The following PTPN22 variants were observed in gnomAD, a reference collection of about 807,000 sequenced individuals.
PTPN22 encodes protein tyrosine phosphatase non-receptor type 22, also known as tyrosine-protein phosphatase non-receptor type 22.
In PTPN22, 85 loss-of-function variants were observed where a neutral mutation model predicts 103.3. The observed-to-expected ratio is 0.82, with a 90% CI of 0.69 to 0.99. The LOEUF (loss-of-function observed/expected upper bound fraction) is 0.99, where lower values mean the gene tolerates loss of function less well. PTPN22 is among the 50% of genes least tolerant of loss of function. The probability of loss-of-function intolerance (pLI) is 0.00; values close to 1 mark genes in which losing one functional copy is unlikely to be tolerated. For missense variants in PTPN22, 865 were observed against 936.9 expected, an observed-to-expected ratio of 0.92 and a Z score of 1.00; for synonymous variants, 323 against 310.2, an observed-to-expected ratio of 1.04 and a Z score of -0.43.
intron 9 of PTPN22, among the ~76,000 whole-genome samples, chr1:113,852,992 G>A (rs1023563126): frequency 2.6e-5 from 4 of 152,182 alleles, no homozygotes; most frequent in Non-Finnish European, 5.9e-5. Context: ...AGGCTGGAGT[G>A]CAACAGCGCG....
chr1:113,838,409 T>C lies in PTPN22; in HGVS notation c.993-2A>G. On this transcript the variant is annotated splice_acceptor_variant, in intron 12 of 20. Transcript: ENST00000359785. LOFTEE classifies it high-confidence loss of function. Reference sequence around the variant, plus strand: ...ATCATTTTTGCTGCTTTTGTGGTACTAAAACAAAAAGAAAGCGTAATGATG... The same window carrying C: ...ATCATTTTTGCTGCTTTTGTGGTACCAAAACAAAAAGAAAGCGTAATGATG... 2 of 1,583,030 alleles carry C rather than the reference T, an allele frequency of 1.3e-6. No individual in the cohort carries two copies. The highest frequency in any genetic ancestry group is 1.2e-5 in the South Asian group (1 of 86,004).
intron 16 of PTPN22, among the ~76,000 whole-genome samples, chr1:113,830,536 C>T (rs1251887299): frequency 6.6e-6 from 1 of 152,086 alleles, no homozygotes; most frequent in African/African-American, 2.4e-5. Context: ...AGAAGACAAA[C>T]ATACAAATCA....
chr1:113,863,377 G>C lies in PTPN22; in HGVS notation c.88-3917C>G, dbSNP rs148409393. Among the ~76,000 whole-genome samples, 877 of 152,350 alleles carry C rather than the reference G, an allele frequency of 5.8e-3. 4 individuals carry two copies. The highest frequency in any genetic ancestry group is 0.01 in the South Asian group (49 of 4,830). On this transcript the variant is annotated intron_variant, in intron 1 of 20. Transcript: ENST00000359785. ...CAAAGTGTGGGGATTACAGGCGTGA[G>C]CCGCTGCGCTCAGCCAAGAAATGTG...
intron 15 of PTPN22, 76 bp from the exon 16 acceptor site, chr1:113,833,214 AT>A (rs763489075): frequency 4.4e-4 from 515 of 1,169,728 alleles, no homozygotes; most frequent in Non-Finnish European, 5.9e-4. Flanking sequence ...AAAAAATGGC[AT>A]TTTTGAACTT....
At chr1:113,834,363 A>G in exon 15 of PTPN22, 1 of 1,613,950 alleles carries the variant, frequency 6.2e-7, no homozygotes, top group Non-Finnish European at 8.5e-7. Context: ...CAGATGTTCC[A>G]CCCCATTCCA....
chr1:113,863,818 A>G (rs774945387), intron 1 of PTPN22, among the ~76,000 whole-genome samples: 1 of 151,852 alleles, frequency 6.6e-6, no homozygotes, highest in South Asian at 2.1e-4. Context: ...GATTTCTAGT[A>G]TAGTTTAAAC....
chr1:113,815,790 T>TG (rs1445857841), intron 20 of PTPN22, among the ~76,000 whole-genome samples: 1 of 152,208 alleles, frequency 6.6e-6, no homozygotes, highest in Non-Finnish European at 1.5e-5. Flanking sequence ...GCGATTCTCC[T>TG]GCCTCAGCCT....
chr1:113,869,956 G>A (rs1666440624), intron 1 of PTPN22, among the ~76,000 whole-genome samples: 1 of 152,076 alleles, frequency 6.6e-6, no homozygotes, highest in African/African-American at 2.4e-5. Context: ...AGCTGACATC[G>A]GAGTTCCTAT....
At chr1:113,858,607 C>A in intron 3 of PTPN22, 34 bp from the exon 4 acceptor site, 15 of 1,231,246 alleles carry the variant, frequency 1.2e-5, no homozygotes, top group Non-Finnish European at 1.7e-5. Context: ...GGGGTGACTA[C>A]AAATAATACC....
chr1:113,835,082 C>T lies in PTPN22; in HGVS notation c.1811-89G>A, dbSNP rs577352195. ...TATTCTAATATTAAATATAAATTTA[C>T]CATAATTTATATTTAAATTCCGTTG... On this transcript the variant is annotated intron_variant, in intron 13 of 20. Coordinates refer to ENST00000359785, the Ensembl canonical transcript of PTPN22. 22 of 670,636 alleles carry T rather than the reference C, an allele frequency of 3.3e-5. No individual in the cohort carries two copies. The African/African-American group carries it at 3.6e-4, about 11-fold the overall frequency. 41.5% of individuals were successfully genotyped at this position (670,636 alleles called of 1,614,324 possible). A position where few individuals can be genotyped will look rare whatever the true frequency, so the allele number is the denominator to read the frequency against.
exon 3 of PTPN22, chr1:113,859,032 A>G (rs1191000477): frequency 6.2e-7 from 1 of 1,614,054 alleles, no homozygotes. Context: ...TGTAGCTGGA[A>G]TCCTCATCAG....
At chr1:113,816,470 C>T (rs1353548136) in intron 20 of PTPN22, among the ~76,000 whole-genome samples, 6 of 150,538 alleles carry the variant, frequency 4.0e-5, no homozygotes, top group Admixed American at 4.0e-4. Context: ...CAGCACAATG[C>T]CTGGCACATA....
chr1:113,858,600 G>T (rs750256008), intron 3 of PTPN22, 27 bp from the exon 4 acceptor site: 4 of 1,404,590 alleles, frequency 2.8e-6, no homozygotes, highest in South Asian at 1.2e-5. Context: ...ATTACACGGG[G>T]TGACTACAAA....
At chr1:113,819,408 G>T (rs1327452115) in intron 20 of PTPN22, 169 bp downstream of exon 20, 1 of 418,586 alleles carries the variant, frequency 2.4e-6, no homozygotes, top group Non-Finnish European at 4.2e-6. Context: ...TGTGTGAGAT[G>T]TTAAGAGGTA....
At chr1:113,845,408 G>A (rs752057778) in intron 11 of PTPN22, among the ~76,000 whole-genome samples, 2 of 151,856 alleles carry the variant, frequency 1.3e-5, no homozygotes, top group Non-Finnish European at 2.9e-5. Context: ...TGGCCAGGCT[G>A]ACCAGGCTGG....
intron 19 of PTPN22, among the ~76,000 whole-genome samples, chr1:113,824,125 G>A (rs1181010357): frequency 3.4e-5 from 5 of 145,436 alleles, no homozygotes; most frequent in South Asian, 2.1e-4. Flanking sequence ...TTTTTGAGAC[G>A]GAGTCTCGCT....
chr1:113,832,946 G>T (rs1357967798), intron 16 of PTPN22, 165 bp downstream of exon 16: 1 of 629,840 alleles, frequency 1.6e-6, no homozygotes, highest in Non-Finnish European at 2.7e-6. Flanking sequence ...TCTTCACCTT[G>T]CTCTTTACAA....
chr1:113,859,007 T>G, exon 3 of PTPN22: 3 of 1,613,718 alleles, frequency 1.9e-6, no homozygotes, highest in Non-Finnish European at 2.5e-6. Context: ...TGTACCTTAA[T>G]GAAGTTGGCA....
intron 1 of PTPN22, among the ~76,000 whole-genome samples, chr1:113,862,090 C>G (rs1372867166): frequency 6.6e-6 from 1 of 151,758 alleles, no homozygotes; most frequent in African/African-American, 2.4e-5. Flanking sequence ...ACCAGCCTGG[C>G]CAGCATAGTG....
Sources: gnomAD v4.1 joint callset for allele counts (sites outside exome capture counted in the v4.1 genomes callset) on GRCh38, gnomAD v4.1.1 for gene constraint, MANE v1.5 for transcripts, NCBI Gene and HGNC (gene_info 2026-07-23, HGNC 2026-07-21) for gene names.